Variants in RGS12 observed in about 807,000 individuals in gnomAD.
RGS12 encodes regulator of G-protein signaling 12.
In RGS12, 66 loss-of-function variants were observed where a neutral mutation model predicts 120.1. That is an observed-to-expected ratio of 0.55 (90% confidence interval 0.45 to 0.67). RGS12 has a LOEUF of 0.67. RGS12 is among the 30% of genes least tolerant of loss of function. The pLI, the probability that RGS12 is intolerant of heterozygous loss-of-function variation, is 0.00. For synonymous variants in RGS12, 827 were observed against 804.7 expected, an observed-to-expected ratio of 1.03 and a Z score of -0.47; for missense variants, 1,859 against 1,957.7, an observed-to-expected ratio of 0.95 and a Z score of 0.95.
intron 2 of RGS12, chr4:3,342,603 C>G: frequency 7.6e-7 from 1 of 1,319,888 alleles, no homozygotes; most frequent in Non-Finnish European, 9.9e-7. Context: ...TTCCAAGCAC[C>G]CTTGCACGTG....
Position 3,389,288 on chromosome 4 carries a change from T to G in RGS12, c.2020+2851T>G, listed in dbSNP as rs547701213. On this transcript the variant is annotated intron_variant, in intron 4 of 17. Coordinates refer to ENST00000336727, the MANE Select transcript of RGS12 (RefSeq NM_001394154.1). This position sits in a 1 kb window ranked among gnomAD's most constrained non-coding sequence, Gnocchi z 5.2. ...GGGAAAAAGGGTTACAGCTGGTCTC[T>G]GGGGGGCACGGCAGGGCTGTGGGTG... is the stretch of plus-strand genomic sequence containing the variant. Among the ~76,000 whole-genome samples the G allele has an allele frequency of 2.0e-5, 3 of 152,136 alleles. No homozygotes were observed. The highest frequency in any genetic ancestry group is 3.9e-4 in the East Asian group (2 of 5,182).
intron 3 of RGS12, among the ~76,000 whole-genome samples, chr4:3,383,473 G>C (rs1212403446): frequency 2.0e-5 from 3 of 151,990 alleles, no homozygotes; most frequent in Admixed American, 2.0e-4. Flanking sequence ...TGAGCATGTT[G>C]GTGAACTCCT....
chr4:3,428,828 G>T, intron 16 of RGS12, 117 bp downstream of exon 16: 1 of 881,788 alleles, frequency 1.1e-6, no homozygotes, highest in Non-Finnish European at 1.7e-6. Context: ...CGTCCCTGTG[G>T]CCTGGAAGAC....
rs541669301 is a variant in RGS12 at position 3,430,873 on chromosome 4, G to T, written c.4032G>T (p.Gly1344=). ...ACGTGGCCGAGCTGACCCTGATGGG[G>T]GAGGGGGACATCAGCAGCCCCAACA... ...DEHVAELTLM[G]EGDISSPNST... Residue 1344 remains glycine (G), a synonymous_variant, in exon 17 of 18, where the codon GGG becomes GGT. Transcript: ENST00000336727. 2 of 1,612,428 alleles carry T rather than the reference G, an allele frequency of 1.2e-6. No homozygotes were observed. Among genetic ancestry groups the T allele is most frequent in the South Asian group, 1.1e-5 (1 of 90,950 alleles).
At position 3,433,856 on chromosome 4, in the gene RGS12, G is replaced by A. The variant is rs16844354; in HGVS notation, c.4114+2901G>A. Among the ~76,000 whole-genome samples the A allele has an allele frequency of 7.8e-3, 1,193 of 152,036 alleles. 10 individuals are homozygous for A. The highest frequency in any genetic ancestry group is 0.027 in the African/African-American group (1,138 of 41,468). ...GGTGCCCCCATGCATGTCTGGTCCC[G>A]GGAGGCATGTGGGTGGGTCTCCTTT... On this transcript the variant is annotated intron_variant, in intron 17 of 17. Coordinates refer to ENST00000336727, the MANE Select transcript of RGS12 (RefSeq NM_001394154.1). This position sits in a 1 kb window ranked among gnomAD's most constrained non-coding sequence, Gnocchi z 4.4.
chr4:3,435,253 TG>T (rs1324385381), intron 17 of RGS12, among the ~76,000 whole-genome samples: 23 of 152,144 alleles, frequency 1.5e-4, no homozygotes, highest in Admixed American at 1.4e-3. Context: ...CCCCTCACCC[TG>T]GGGGTGAAAG....
intron 2 of RGS12, among the ~76,000 whole-genome samples, chr4:3,340,229 G>A (rs531340128): frequency 1.4e-4 from 22 of 152,284 alleles, no homozygotes; most frequent in South Asian, 2.1e-4. Flanking sequence ...GCCAGGAGCC[G>A]GGCGCTGTGC....
intron 1 of RGS12, among the ~76,000 whole-genome samples, chr4:3,310,150 G>A (rs1724288731): frequency 6.7e-6 from 1 of 149,054 alleles, no homozygotes; most frequent in Non-Finnish European, 1.5e-5. Flanking sequence ...GGAATGGCAG[G>A]TGTCTGCTGA....
intron 4 of RGS12, among the ~76,000 whole-genome samples, chr4:3,402,841 T>C (rs556497395): frequency 4.6e-5 from 7 of 152,308 alleles, no homozygotes; most frequent in Admixed American, 2.6e-4. Context: ...AATGTGAAGT[T>C]TTTTCAGCTC....
intron 3 of RGS12, among the ~76,000 whole-genome samples, chr4:3,358,915 C>T (rs1374262548): frequency 1.9e-5 from 2 of 105,010 alleles, no homozygotes; most frequent in Non-Finnish European, 4.0e-5. Context: ...TTCTCCTCCT[C>T]TCTGTCCCCC....
intron 15 of RGS12, 90 bp downstream of exon 15, chr4:3,428,259 C>T (rs760191244): frequency 1.7e-6 from 2 of 1,185,544 alleles, no homozygotes; most frequent in Non-Finnish European, 2.5e-6. Flanking sequence ...TTCCTTACCG[C>T]CTGCTTATCA....
intron 3 of RGS12, among the ~76,000 whole-genome samples, chr4:3,347,687 G>A (rs1007427114): frequency 6.6e-6 from 1 of 152,190 alleles, no homozygotes. Flanking sequence ...GTATTTAAGA[G>A]TGCTTCTTAG....
chr4:3,313,656 A>C (rs995738656), intron 1 of RGS12, among the ~76,000 whole-genome samples: 2 of 152,090 alleles, frequency 1.3e-5, no homozygotes, highest in African/African-American at 4.8e-5. Context: ...TGGTGACTTT[A>C]AGTCTGCTTC....
intron 17 of RGS12, among the ~76,000 whole-genome samples, chr4:3,437,843 G>A (rs1295301122): frequency 1.3e-5 from 2 of 152,206 alleles, no homozygotes; most frequent in Non-Finnish European, 2.9e-5. Context: ...AAGAGAACGG[G>A]CTGGGCACGC....
chr4:3,425,315 G>A (rs1723492331), intron 13 of RGS12, 149 bp from the exon 14 acceptor site: 1 of 713,532 alleles, frequency 1.4e-6, no homozygotes, highest in Non-Finnish European at 2.5e-6. Flanking sequence ...CCCAGCTTGT[G>A]TGCCTCAGTC....
At chr4:3,338,389 A>G (rs1346335002) in intron 2 of RGS12, among the ~76,000 whole-genome samples, 1 of 152,202 alleles carries the variant, frequency 6.6e-6, no homozygotes. Context: ...AGTGGCCAAG[A>G]AATTTGGTAC....
Position 3,428,680 on chromosome 4 carries a change from AT to A in RGS12, c.3535del (p.Tyr1179IlefsTer31), listed in dbSNP as rs747562862. 3.1e-6 allele frequency: 5 copies of A among 1,595,040 alleles called. No homozygotes were observed. Among genetic ancestry groups the A allele is most frequent in the South Asian group, 1.2e-5 (1 of 86,558 alleles). ...CTATTGCAAAGATTGGGAAAAAAAAATATCAGAAAATTAATTTGGACGAAGC... is the reference window on the plus strand; with the variant it reads ...CTATTGCAAAGATTGGGAAAAAAAAAATCAGAAAATTAATTTGGACGAAGC... The part of the protein sequence containing the change: ...ESIAKIGKKK[Y>X]QKINLDEAEE... On this transcript the variant is annotated frameshift_variant, in exon 16 of 18. Coordinates refer to ENST00000336727, the MANE Select transcript of RGS12 (RefSeq NM_001394154.1). LOFTEE classifies it high-confidence loss of function.
chr4:3,425,390 C>A, intron 13 of RGS12, 74 bp from the exon 14 acceptor site: 2 of 1,308,086 alleles, frequency 1.5e-6, no homozygotes, highest in Non-Finnish European at 2.2e-6. Context: ...GTCATGCAGT[C>A]GGGTGGGATC....
At chr4:3,376,555 G>C (rs1026451907) in intron 3 of RGS12, among the ~76,000 whole-genome samples, 4 of 152,236 alleles carry the variant, frequency 2.6e-5, no homozygotes, top group Admixed American at 2.6e-4. Context: ...CACATGCACT[G>C]TGTCCACACA....
Sources: allele counts gnomAD v4.1 joint callset (sites outside exome capture counted in the v4.1 genomes callset), GRCh38; gene constraint gnomAD v4.1.1; non-coding constraint Gnocchi (gnomAD v3.1); transcripts MANE v1.5; gene names NCBI Gene and HGNC (gene_info 2026-07-23, HGNC 2026-07-21).